NTM: variants seen among roughly 807,000 people sequenced by gnomAD.
NTM encodes the protein IgLON family member 2.
NTM carries 13 observed loss-of-function variants against 42.1 expected under a neutral mutation model. The observed-to-expected ratio is 0.31, with a 90% CI of 0.20 to 0.49. NTM has a LOEUF of 0.49. Among genes scored for constraint, NTM ranks in the 20% least tolerant of loss-of-function variants. NTM has a pLI of 0.99. For synonymous variants in NTM, 187 were observed against 179.2 expected (o/e 1.04, Z -0.35); for missense variants, 373 against 452.8 (o/e 0.82, Z 1.60).
At chr11:132,017,849 T>C (rs1004884909) in intron 2 of NTM, among the ~76,000 whole-genome samples, 4 of 152,130 alleles carry the variant, frequency 2.6e-5, no homozygotes, top group Non-Finnish European at 5.9e-5. Context: ...GTTTTCAGTG[T>C]AGGCATTTAT....
At chr11:132,120,933 TGAGA>T (rs138988616) in intron 2 of NTM, among the ~76,000 whole-genome samples, 2 of 151,888 alleles carry the variant, frequency 1.3e-5, no homozygotes, top group African/African-American at 2.4e-5. Flanking sequence ...TGTGTATGTT[TGAGA>T]GAGAGAGAGC....
chr11:132,165,903 A>G (rs11222960), intron 3 of NTM, among the ~76,000 whole-genome samples: 9,432 of 152,204 alleles, frequency 0.062, 379 homozygotes, highest in East Asian at 0.17. Context: ...TTTATTTGAT[A>G]CTACTGTACA....
chr11:131,613,552 G>C (rs1467051374), intron 1 of NTM, among the ~76,000 whole-genome samples: 2 of 152,134 alleles, frequency 1.3e-5, no homozygotes, highest in South Asian at 2.1e-4. Context: ...TTCAAACCTA[G>C]TAAATATTAT....
chr11:131,829,340 T>C (rs1164387306), intron 1 of NTM, among the ~76,000 whole-genome samples: 2 of 152,138 alleles, frequency 1.3e-5, no homozygotes, highest in Non-Finnish European at 2.9e-5. Flanking sequence ...TACCCCTCCC[T>C]GTCCCCTCCC....
chr11:132,155,459 C>T (rs2072961156), intron 3 of NTM, among the ~76,000 whole-genome samples: 1 of 152,174 alleles, frequency 6.6e-6, no homozygotes, highest in Non-Finnish European at 1.5e-5. Context: ...GCACACATGT[C>T]CTGCCGCTGA....
chr11:132,041,995 C>G (rs1024982307), intron 2 of NTM, among the ~76,000 whole-genome samples: 1 of 152,122 alleles, frequency 6.6e-6, no homozygotes, highest in African/African-American at 2.4e-5. Context: ...GATTTCCAAC[C>G]TGAGGATTGA....
chr11:132,089,228 C>G (rs1298052278), intron 2 of NTM, among the ~76,000 whole-genome samples: 1 of 152,224 alleles, frequency 6.6e-6, no homozygotes, highest in Non-Finnish European at 1.5e-5. Flanking sequence ...TTGCTCTTGA[C>G]TGGTGCACTT....
intron 4 of NTM, among the ~76,000 whole-genome samples, chr11:132,306,023 T>C (rs181587400): frequency 4.6e-5 from 7 of 152,282 alleles, no homozygotes; most frequent in African/African-American, 1.4e-4. Flanking sequence ...ATACATAGTG[T>C]AGTTTGCATA....
At chr11:132,060,425 C>T (rs533799960) in intron 2 of NTM, among the ~76,000 whole-genome samples, 1 of 126,408 alleles carries the variant, frequency 7.9e-6, no homozygotes, top group Admixed American at 7.8e-5. Flanking sequence ...ATTGTTACTG[C>T]GCTATGAACA....
intron 1 of NTM, among the ~76,000 whole-genome samples, chr11:131,855,414 T>A (rs2136889282): frequency 6.6e-6 from 1 of 152,332 alleles, no homozygotes; most frequent in East Asian, 1.9e-4. Context: ...TGTGGATAAC[T>A]CTGACAATTT....
intron 1 of NTM, among the ~76,000 whole-genome samples, chr11:131,460,997 G>A (rs977546492): frequency 6.6e-6 from 1 of 152,188 alleles, no homozygotes; most frequent in Non-Finnish European, 1.5e-5. Flanking sequence ...TCTTAAGCTT[G>A]TGCACAGTCA....
At chr11:131,585,622 C>T (rs1283314933) in intron 1 of NTM, among the ~76,000 whole-genome samples, 1 of 152,160 alleles carries the variant, frequency 6.6e-6, no homozygotes. Flanking sequence ...TGCCCAGAGT[C>T]GAGTAGAGTT....
chr11:132,065,228 G>T (rs994961333), intron 2 of NTM, among the ~76,000 whole-genome samples: 1 of 152,220 alleles, frequency 6.6e-6, no homozygotes, highest in Non-Finnish European at 1.5e-5. Context: ...GATGCCAAGT[G>T]TAGATGTCCT....
chr11:132,271,775 T>C (rs1591654437), intron 4 of NTM, among the ~76,000 whole-genome samples: 1 of 151,916 alleles, frequency 6.6e-6, no homozygotes, highest in East Asian at 1.9e-4. Context: ...AAGAGTTCTT[T>C]ATATTTTCTA....
intron 2 of NTM, among the ~76,000 whole-genome samples, chr11:132,134,979 A>C (rs1300670748): frequency 1.3e-5 from 2 of 151,496 alleles, no homozygotes; most frequent in African/African-American, 4.8e-5. Context: ...TTGTATTTTT[A>C]TTATTTTATT....
At chr11:131,555,797 G>A (rs1023370082) in intron 1 of NTM, among the ~76,000 whole-genome samples, 2 of 152,076 alleles carry the variant, frequency 1.3e-5, no homozygotes, top group Non-Finnish European at 2.9e-5. Context: ...GCACAGAACC[G>A]CTTCTCTGAT....
intron 1 of NTM, among the ~76,000 whole-genome samples, chr11:131,567,188 G>A (rs2056977452): frequency 1.3e-5 from 2 of 151,890 alleles, no homozygotes; most frequent in African/African-American, 4.8e-5. Flanking sequence ...TGCTTGGTGG[G>A]AAACCTAAAA....
At chr11:131,503,920 G>A (rs1189803831) in intron 1 of NTM, among the ~76,000 whole-genome samples, 7 of 152,304 alleles carry the variant, frequency 4.6e-5, no homozygotes, top group South Asian at 4.1e-4. Context: ...TAACTCAGAT[G>A]CCATCACCAA....
intron 1 of NTM, among the ~76,000 whole-genome samples, chr11:131,460,405 C>T (rs918941204): frequency 6.6e-5 from 10 of 152,156 alleles, no homozygotes; most frequent in African/African-American, 2.2e-4. Flanking sequence ...TTTTAGTATT[C>T]GGAATTATCT....
Sources: allele counts gnomAD v4.1 joint callset (sites outside exome capture counted in the v4.1 genomes callset), GRCh38; gene constraint gnomAD v4.1.1; transcripts MANE v1.5; gene names NCBI Gene and HGNC (gene_info 2026-07-23, HGNC 2026-07-21).